The following BAIAP2 variants were observed in gnomAD, a reference collection of about 807,000 sequenced individuals.
BAIAP2 encodes the protein BAR/IMD domain containing adaptor protein 2, also known as BAR/IMD domain-containing adapter protein 2.
A neutral mutation model predicts 63.0 loss-of-function variants in BAIAP2; 18 were observed. The observed-to-expected ratio is 0.29, with a 90% CI of 0.20 to 0.42. The LOEUF (loss-of-function observed/expected upper bound fraction) is 0.42, where lower values mean the gene tolerates loss of function less well. Ranked by LOEUF, BAIAP2 falls within the 10% of genes least tolerant of loss-of-function variation. BAIAP2 has a pLI of 1.00. For missense variants in BAIAP2, 610 were observed against 734.3 expected (o/e 0.83, Z 1.96); for synonymous variants, 386 against 307.6 (o/e 1.25, Z -2.67).
In BAIAP2 at chr17:81,065,615, C is replaced by A. The variant is rs113375744; in HGVS notation, c.217+7648C>A. ...CACTCCTGAGCACACCCCTCCACCCCCTTGCTGCTGACAGCTGCCTATGGC... is the reference window on the plus strand; with the variant it reads ...CACTCCTGAGCACACCCCTCCACCCACTTGCTGCTGACAGCTGCCTATGGC... On this transcript the variant is annotated intron_variant, in intron 3 of 13. Transcript: ENST00000428708. Among the ~76,000 whole-genome samples, 208 of 152,346 alleles carry A rather than the reference C, an allele frequency of 1.4e-3. 1 individual carries two copies. The highest frequency in any genetic ancestry group is 5.0e-3 in the African/African-American group (206 of 41,578).
At chr17:81,063,958 C>CAGCTT in intron 3 of BAIAP2, 1 of 152,162 alleles carries the variant, frequency 6.6e-6, no homozygotes, top group South Asian at 2.1e-4. Flanking sequence ...GTGCTCAGCT[C>CAGCTT]AGACCAGCCC....
chr17:81,086,476 A>G lies in BAIAP2; in HGVS notation c.385A>G (p.Ser129Gly). ...ALKKYQTEQRSKGDALDKCQA... is the reference protein window; with the variant it reads ...ALKKYQTEQRGKGDALDKCQA... ...GAAGAAATACCAGACTGAGCAAAGG[A>G]GCAAAGGCGACGCCCTGGACAAGTG... is the stretch of plus-strand genomic sequence containing the variant. The change falls in exon 6 of 14, where the codon AGC (serine) becomes GGC (glycine). Residue 129 changes from serine to glycine, a missense_variant. Physicochemically the swap from Ser to Gly is moderately conservative, Grantham distance 56 (BLOSUM62 0). Transcript: ENST00000428708. 1 of 1,614,050 alleles carries G rather than the reference A, an allele frequency of 6.2e-7. No homozygotes were observed.
At position 81,106,725 on chromosome 17, in the gene BAIAP2, C is replaced by CT. The variant is rs773684018; in HGVS notation, c.1338-19dup. 2.5e-6 allele frequency: 4 copies of CT among 1,612,202 alleles called. No homozygotes were observed. The highest frequency in any genetic ancestry group is 1.7e-5 in the Admixed American group (1 of 59,966). The stretch of plus-strand genomic sequence containing the variant: ...GGGCATCCGGCCTGCTGGGCCGCCT[C>CT]TGAGTCCCTGTCCCTACAGCCTGCA... On this transcript the variant is annotated intron_variant, in intron 11 of 13. Transcript: ENST00000428708.
In BAIAP2 at chr17:81,104,104, C is replaced by T. The variant is rs1170024794; in HGVS notation, c.1062C>T (p.Ala354=). ...RKSVTPKNSY[A]TTENKTLPRS... ...GCGTGACCCCAAAAAACAGCTATGCCACCAGTAAGGGCTCCGCTGGGGTGT... is the reference window on the plus strand; with the variant it reads ...GCGTGACCCCAAAAAACAGCTATGCTACCAGTAAGGGCTCCGCTGGGGTGT... The change falls in exon 9 of 14, where the codon GCC becomes GCT. Residue 354 remains alanine, a synonymous_variant. Coordinates refer to ENST00000428708, the MANE Select transcript of BAIAP2 (RefSeq NM_001144888.2). 7 of 1,613,190 alleles carry T rather than the reference C, an allele frequency of 4.3e-6. No homozygotes were observed. The highest frequency in any genetic ancestry group is 2.2e-5 in the East Asian group (1 of 44,884).
intron 8 of BAIAP2, 38 bp downstream of exon 8, chr17:81,103,761 G>T (rs770918645): frequency 2.3e-5 from 37 of 1,576,982 alleles, no homozygotes; most frequent in Non-Finnish European, 3.0e-5. Flanking sequence ...ACGGGTGTGG[G>T]TGGGAGGGCA....
intron 2 of BAIAP2, among the ~76,000 whole-genome samples, chr17:81,054,521 C>T (rs1040958017): frequency 9.9e-5 from 15 of 152,274 alleles, no homozygotes; most frequent in East Asian, 5.8e-4. Flanking sequence ...CCTGCCTGTG[C>T]GGGCTGCTCT....
chr17:81,036,105 C>T (rs755923433), intron 1 of BAIAP2: 2 of 152,332 alleles, frequency 1.3e-5, no homozygotes, highest in African/African-American at 2.4e-5. Context: ...TCCCCTGCCG[C>T]CCCCTCCCCA....
chr17:81,037,283 G>T (rs888467757), intron 1 of BAIAP2, among the ~76,000 whole-genome samples: 2 of 152,246 alleles, frequency 1.3e-5, no homozygotes, highest in Non-Finnish European at 2.9e-5. Flanking sequence ...GCGGTGGGCC[G>T]CAGGTGTCTG....
At chr17:81,051,193 T>G (rs2048626344) in intron 1 of BAIAP2, among the ~76,000 whole-genome samples, 1 of 151,906 alleles carries the variant, frequency 6.6e-6, no homozygotes, top group East Asian at 2.0e-4. Flanking sequence ...CCCCGTCCCT[T>G]TAGGACAGAG....
At position 81,098,153 on chromosome 17, in the gene BAIAP2, G is replaced by A. The variant is rs1361405874; in HGVS notation, c.490-1775G>A. On this transcript the variant is annotated intron_variant, in intron 6 of 13. Transcript: ENST00000428708. ...CAGAGGGACAGAGGCAGAGAGCCCT[G>A]GGGTTTGGAACTGTCACTTCCACCT... 46 of 1,472,558 alleles carry A rather than the reference G, an allele frequency of 3.1e-5. 1 individual carries two copies. In the Middle Eastern group the frequency reaches 2.3e-3, roughly 72 times the overall value. 91.2% of individuals were successfully genotyped at this position (1,472,558 alleles called of 1,614,324 possible). A position where few individuals can be genotyped will look rare whatever the true frequency, so the allele number is the denominator to read the frequency against.
chr17:81,060,181 T>C (rs1476357508), intron 3 of BAIAP2, among the ~76,000 whole-genome samples: 2 of 152,202 alleles, frequency 1.3e-5, no homozygotes, highest in African/African-American at 4.8e-5. Context: ...ACAGCTTGAT[T>C]GACAGAATTC....
At chr17:81,084,716 C>G (rs375637216) in intron 3 of BAIAP2, 116 bp from the exon 4 acceptor site, 1 of 954,888 alleles carries the variant, frequency 1.0e-6, no homozygotes, top group African/African-American at 1.6e-5. Flanking sequence ...ACCCCGGGGG[C>G]CCTGCTGCCT....
intron 1 of BAIAP2, among the ~76,000 whole-genome samples, chr17:81,051,561 G>A (rs570105276): frequency 4.5e-4 from 69 of 152,216 alleles, no homozygotes; most frequent in African/African-American, 1.5e-3. Context: ...CACCAAGCCC[G>A]GCTTTTTGTA....
intron 6 of BAIAP2, among the ~76,000 whole-genome samples, chr17:81,091,452 CAG>C (rs1195210586): frequency 3.3e-5 from 5 of 152,112 alleles, no homozygotes; most frequent in Non-Finnish European, 7.4e-5. Flanking sequence ...GGTGTCTACG[CAG>C]AGAGTATAGT....
intron 6 of BAIAP2, among the ~76,000 whole-genome samples, chr17:81,094,913 C>A (rs933356132): frequency 6.6e-6 from 1 of 152,226 alleles, no homozygotes; most frequent in African/African-American, 2.4e-5. Context: ...GGTTAAAGAA[C>A]GTGGGAAAGC....
chr17:81,082,710 C>T (rs765975240), intron 3 of BAIAP2, among the ~76,000 whole-genome samples: 1 of 152,232 alleles, frequency 6.6e-6, no homozygotes, highest in Non-Finnish European at 1.5e-5. Flanking sequence ...GCTTTGGGAA[C>T]AGGCCTAGCA....
chr17:81,049,482 G>A (rs974926591), intron 1 of BAIAP2, among the ~76,000 whole-genome samples: 1 of 152,162 alleles, frequency 6.6e-6, no homozygotes, highest in Non-Finnish European at 1.5e-5. Flanking sequence ...GCACCTCTTG[G>A]TGTTGATAAG....
At chr17:81,106,675 G>A in intron 11 of BAIAP2, 70 bp from the exon 12 acceptor site, 3 of 1,581,626 alleles carry the variant, frequency 1.9e-6, no homozygotes, top group Non-Finnish European at 2.6e-6. Flanking sequence ...GCAGTCCAGG[G>A]AGCCACAGGG....
At chr17:81,101,819 C>T (rs771833739) in intron 7 of BAIAP2, among the ~76,000 whole-genome samples, 1 of 152,248 alleles carries the variant, frequency 6.6e-6, no homozygotes, top group Non-Finnish European at 1.5e-5. Context: ...GAGGCAGCCT[C>T]GCTGCTGAAG....
Sources: gnomAD v4.1 joint callset for allele counts (sites outside exome capture counted in the v4.1 genomes callset) on GRCh38, gnomAD v4.1.1 for gene constraint, MANE v1.5 for transcripts, NCBI Gene and HGNC (gene_info 2026-07-23, HGNC 2026-07-21) for gene names.